Variants in SLC22A12 observed in about 807,000 individuals in gnomAD.
SLC22A12 encodes organic anion transporter 4-like protein.
SLC22A12 carries 56 observed loss-of-function variants against 52.7 expected under a neutral mutation model. That is an observed-to-expected ratio of 1.06 (90% confidence interval 0.86 to 1.33). SLC22A12 has a LOEUF of 1.33. Ranked by LOEUF, SLC22A12 falls within the 40% of genes most tolerant of loss-of-function variation. The pLI is 0.00. For missense variants in SLC22A12, 683 were observed against 741.5 expected, an observed-to-expected ratio of 0.92 and a Z score of 0.92; for synonymous variants, 337 against 324.6, an observed-to-expected ratio of 1.04 and a Z score of -0.41.
intron 7 of SLC22A12, 34 bp downstream of exon 7, chr11:64,599,924 C>T (rs188243491): frequency 2.5e-4 from 397 of 1,600,924 alleles, no homozygotes; most frequent in Non-Finnish European, 3.3e-4. Context: ...AGAGACTTCC[C>T]TACCTTGGGG....
chr11:64,600,520 G>A, intron 8 of SLC22A12, 45 bp downstream of exon 8: 1 of 1,501,220 alleles, frequency 6.7e-7, no homozygotes. Context: ...CCTGGGCTGA[G>A]CTGCGGGGCA....
At chr11:64,596,426 T>C (rs1346337782) in intron 4 of SLC22A12, among the ~76,000 whole-genome samples, 1 of 151,818 alleles carries the variant, frequency 6.6e-6, no homozygotes, top group Non-Finnish European at 1.5e-5. Flanking sequence ...GATAGGTGGA[T>C]TAATTGGATG....
chr11:64,594,557 CAG>C (rs2039027997), intron 4 of SLC22A12, among the ~76,000 whole-genome samples: 1 of 152,090 alleles, frequency 6.6e-6, no homozygotes, highest in Non-Finnish European at 1.5e-5. Context: ...AATGGGTTGA[CAG>C]ATGTGTGGAT....
intron 4 of SLC22A12, among the ~76,000 whole-genome samples, chr11:64,594,781 T>A (rs1018444035): frequency 8.1e-6 from 1 of 123,820 alleles, no homozygotes; most frequent in South Asian, 2.8e-4. Context: ...GAATGGATAG[T>A]TGGAATAAAT....
chr11:64,592,663 A>T, intron 1 of SLC22A12, 116 bp from the exon 2 acceptor site: 1 of 830,368 alleles, frequency 1.2e-6, no homozygotes, highest in Admixed American at 1.7e-5. Context: ...AAAACCCTAG[A>T]GGTCACCAGA....
chr11:64,600,865 GGCCTGGCCGCACTGCTTCT>G lies in SLC22A12; in HGVS notation c.1529_1547del (p.Leu510ProfsTer20). 1 of 1,609,168 alleles carries G rather than the reference GGCCTGGCCGCACTGCTTCT, an allele frequency of 6.2e-7. No individual in the cohort carries two copies. The highest frequency in any genetic ancestry group is 1.1e-5 in the South Asian group (1 of 91,070). On this transcript the variant is annotated frameshift_variant, in exon 9 of 10. Coordinates refer to ENST00000377574, the MANE Select transcript of SLC22A12 (RefSeq NM_144585.4). LOFTEE classifies it high-confidence loss of function. Reference sequence around the variant, plus strand: ...GTATGGGACGGTGCCAGTGCTGAGTGGCCTGGCCGCACTGCTTCTGCCCGAGACCCAGAGCTTGCCGCTG... The same window carrying G: ...GTATGGGACGGTGCCAGTGCTGAGTGGCCCGAGACCCAGAGCTTGCCGCTG...
In SLC22A12 at chr11:64,600,364, C is replaced by A; in HGVS notation, c.1286-3C>A. ...AGCTCACTAATCCCATCTCTACCCA[C>A]AGAAATGGGGGCTCTGCGCTCAGCC... On this transcript the variant is annotated splice_region_variant and splice_polypyrimidine_tract_variant and intron_variant, in intron 7 of 9. Transcript: ENST00000377574. 6.3e-7 allele frequency: 1 copy of A among 1,598,258 alleles called. No individual in the cohort carries two copies. The highest frequency in any genetic ancestry group is 1.3e-5 in the African/African-American group (1 of 74,932).
intron 5 of SLC22A12, 58 bp downstream of exon 5, chr11:64,598,697 G>T: frequency 6.3e-7 from 1 of 1,598,818 alleles, no homozygotes; most frequent in African/African-American, 1.3e-5. Context: ...CCCCTGCATA[G>T]GGCACCCTGG....
intron 4 of SLC22A12, among the ~76,000 whole-genome samples, chr11:64,595,932 ATGGATGGATGGATGGATGG>A (rs2039178413): frequency 1.7e-4 from 2 of 11,918 alleles, no homozygotes; most frequent in Admixed American, 1.2e-3. Flanking sequence ...AGATGGATGG[ATGGATGGATGGATGGATGG>A]ATGGATGGAT....
intron 4 of SLC22A12, among the ~76,000 whole-genome samples, chr11:64,595,709 ATGG>A (rs1197353936): frequency 6.8e-6 from 1 of 146,556 alleles, no homozygotes; most frequent in African/African-American, 2.5e-5. Context: ...AGATGGATGG[ATGG>A]ATGGATGGTT....
intron 4 of SLC22A12, among the ~76,000 whole-genome samples, chr11:64,596,293 T>TGGATGGATGGAATAGATG (rs1591396300): frequency 2.1e-5 from 1 of 48,590 alleles, no homozygotes; most frequent in African/African-American, 7.0e-5. Context: ...GATGGATGGC[T>TGGATGGATGGAATAGATG]GAATGGATGG....
chr11:64,595,588 G>A lies in SLC22A12; in HGVS notation c.830+1785G>A, dbSNP rs546416883. Reference sequence around the variant, plus strand: ...GAATGGATGGATGGATGGAATGGAAGGAGGGATGGATGGATGGATGGTTGA... The same window carrying A: ...GAATGGATGGATGGATGGAATGGAAAGAGGGATGGATGGATGGATGGTTGA... On this transcript the variant is annotated intron_variant, in intron 4 of 9. Coordinates refer to ENST00000377574, the MANE Select transcript of SLC22A12 (RefSeq NM_144585.4). Among the ~76,000 whole-genome samples, 126 of 137,722 alleles carry A rather than the reference G, an allele frequency of 9.1e-4. 1 individual carries two copies. Among genetic ancestry groups the A allele is most frequent in the African/African-American group, 3.4e-3 (124 of 36,252 alleles). The allele number at this position is 137,722 out of a possible 152,430, so 90.4% of individuals were successfully genotyped here.
intron 4 of SLC22A12, among the ~76,000 whole-genome samples, chr11:64,595,327 A>T (rs1322492320): frequency 4.8e-5 from 5 of 103,312 alleles, no homozygotes; most frequent in Non-Finnish European, 1.0e-4. Context: ...GGATGGATGG[A>T]TGGATGGTTG....
At chr11:64,595,448 T>C (rs1311320558) in intron 4 of SLC22A12, among the ~76,000 whole-genome samples, 2 of 133,298 alleles carry the variant, frequency 1.5e-5, no homozygotes, top group African/African-American at 5.9e-5. Context: ...GGATGATGGA[T>C]GGATGGAATG....
intron 2 of SLC22A12, 43 bp from the exon 3 acceptor site, chr11:64,593,362 G>T: frequency 6.2e-7 from 1 of 1,613,280 alleles, no homozygotes; most frequent in Non-Finnish European, 8.5e-7. Context: ...GGCCTGTGCC[G>T]TGGCAAGCCA....
At chr11:64,597,735 C>A (rs942471022) in intron 4 of SLC22A12, among the ~76,000 whole-genome samples, 1 of 152,218 alleles carries the variant, frequency 6.6e-6, no homozygotes, top group African/African-American at 2.4e-5. Flanking sequence ...TAGAGGCAGG[C>A]CCCGTGTAGA....
Position 64,591,693 on chromosome 11 carries a change from G to A in SLC22A12, c.137G>A (p.Ser46Asn), listed in dbSNP as rs1444153967. The change falls in exon 1 of 10, where the codon AGC becomes AAC. Residue 46 changes from serine (S) to asparagine (N), a missense_variant. Ser to Asn is a conservative substitution (Grantham distance 46). Transcript: ENST00000377574. ...MLENFSAAVP[S>N]HRCWAPLLDN... ...GAGAACTTCTCGGCCGCCGTGCCCAGCCACCGCTGCTGGGCACCCCTCCTG... is the reference window on the plus strand; with the variant it reads ...GAGAACTTCTCGGCCGCCGTGCCCAACCACCGCTGCTGGGCACCCCTCCTG... The A allele has an allele frequency of 1.2e-6, 2 of 1,612,160 alleles. No individual in the cohort carries two copies. The highest frequency in any genetic ancestry group is 1.7e-6 in the Non-Finnish European group (2 of 1,180,014).
In SLC22A12 at chr11:64,591,886, G is replaced by A. The variant is rs1462441953; in HGVS notation, c.330G>A (p.Glu110=). The A allele has an allele frequency of 6.2e-7, 1 of 1,612,692 alleles. No homozygotes were observed. The highest frequency in any genetic ancestry group is 8.5e-7 in the Non-Finnish European group (1 of 1,180,028). ...DPNATATSWS[E]ADTEPCVDGW... is the part of the protein sequence containing the mutation. Reference sequence around the variant, plus strand: ...ATGCCACGGCCACCAGCTGGAGCGAGGCCGACACGGAGCCGTGTGTGGATG... The same window carrying A: ...ATGCCACGGCCACCAGCTGGAGCGAAGCCGACACGGAGCCGTGTGTGGATG... The change falls in exon 1 of 10, where the codon GAG becomes GAA. Residue 110 remains glutamate, a synonymous_variant. Transcript: ENST00000377574.
At position 64,591,385 on chromosome 11, in the gene SLC22A12, G is replaced by T; in HGVS notation, c.-172G>T. On this transcript the variant is annotated 5_prime_UTR_variant, in exon 1 of 10. Coordinates refer to ENST00000377574, the MANE Select transcript of SLC22A12 (RefSeq NM_144585.4). Reference sequence around the variant, plus strand: ...CCACCCCAAGTGACACCAGCAGGCAGATGACCAGAGAGCCTGAGCCTCCGG... The same window carrying T: ...CCACCCCAAGTGACACCAGCAGGCATATGACCAGAGAGCCTGAGCCTCCGG... 2 of 845,120 alleles carry T rather than the reference G, an allele frequency of 2.4e-6. No homozygotes were observed. The highest frequency in any genetic ancestry group is 3.6e-6 in the Non-Finnish European group (2 of 554,110). The allele number at this position is 845,120 out of a possible 1,614,324, so 52.4% of individuals were successfully genotyped here.
Sources: allele counts gnomAD v4.1 joint callset (sites outside exome capture counted in the v4.1 genomes callset), GRCh38; gene constraint gnomAD v4.1.1; transcripts MANE v1.5; gene names NCBI Gene and HGNC (gene_info 2026-07-23, HGNC 2026-07-21).